The following ARHGEF18 variants were observed in gnomAD, a reference collection of about 807,000 sequenced individuals.
The protein encoded by ARHGEF18 is Rho/Rac guanine nucleotide exchange factor 18.
ARHGEF18 carries 93 observed loss-of-function variants against 155.7 expected under a neutral mutation model. That is an observed-to-expected ratio of 0.60 (90% CI 0.50 to 0.71). ARHGEF18 has a LOEUF of 0.71. Among genes scored for constraint, ARHGEF18 ranks in the 30% least tolerant of loss-of-function variants. ARHGEF18 has a pLI of 0.00. For synonymous variants in ARHGEF18, 742 were observed against 753.1 expected, an observed-to-expected ratio of 0.99 and a Z score of 0.24; for missense variants, 1,593 against 1,816.1, an observed-to-expected ratio of 0.88 and a Z score of 2.23.
rs1309242743 is a variant in ARHGEF18 at position 7,440,025 on chromosome 19, A to G, written c.968-319A>G. On this transcript the variant is annotated intron_variant, in intron 10 of 28. Transcript: ENST00000668164. The surrounding 1 kb of genome is among the most constrained non-coding windows in gnomAD (Gnocchi z 5.4). ...AAGGGAAGACGCAGCTCTGTTTTCT[A>G]GAAGGATCCCACCGAGGCATAAAAA... 1 of 1,550,628 alleles carries G rather than the reference A, an allele frequency of 6.4e-7. No homozygotes were observed.
At chr19:7,361,801 T>C (rs1423899731) in intron 1 of ARHGEF18, among the ~76,000 whole-genome samples, 1 of 151,984 alleles carries the variant, frequency 6.6e-6, no homozygotes, top group African/African-American at 2.4e-5. Context: ...TAGACTAGCC[T>C]GGCCAACATG....
At chr19:7,411,285 T>TCCCTC (rs150105029) in intron 10 of ARHGEF18, among the ~76,000 whole-genome samples, 65,651 of 129,984 alleles carry the variant, frequency 0.51, 17,452 homozygotes, top group Middle Eastern at 0.72. Context: ...CCTTTCCCTT[T>TCCCTC]CCCTCCCCTC....
intron 20 of ARHGEF18, among the ~76,000 whole-genome samples, chr19:7,460,699 A>G (rs1046233262): frequency 2.0e-5 from 3 of 152,074 alleles, no homozygotes; most frequent in African/African-American, 7.2e-5. Context: ...GCCCGCGCTC[A>G]GTGAGCACTT....
Position 7,467,429 on chromosome 19 carries a change from G to A in ARHGEF18, c.3225G>A (p.Gln1075=). The A allele has an allele frequency of 6.5e-7, 1 of 1,531,620 alleles. No individual in the cohort carries two copies. The highest frequency in any genetic ancestry group is 8.7e-7 in the Non-Finnish European group (1 of 1,145,178). The allele number at this position is 1,531,620 out of a possible 1,614,324, so 94.9% of individuals were successfully genotyped here. The part of the protein sequence containing the change: ...HEQQRWERER[Q]WQHQELERAG... ...AGCAGCGCTGGGAGCGCGAGCGCCA[G>A]TGGCAGCACCAGGAGCTGGAGCGTG... The change falls in exon 26 of 29, where the codon CAG becomes CAA. Residue 1075 remains glutamine, a synonymous_variant. Transcript: ENST00000668164.
chr19:7,471,141 C>A lies in ARHGEF18; in HGVS notation c.*843C>A. 3.8e-6 allele frequency: 1 copy of A among 260,024 alleles called. No individual in the cohort carries two copies. Among genetic ancestry groups the A allele is most frequent in the Non-Finnish European group, 7.2e-6 (1 of 138,246 alleles). 16.1% of individuals were successfully genotyped at this position (260,024 alleles called of 1,614,324 possible). A position where few individuals can be genotyped will look rare whatever the true frequency, so the allele number is the denominator to read the frequency against. On this transcript the variant is annotated 3_prime_UTR_variant, in exon 29 of 29. Transcript: ENST00000668164. This position sits in a 1 kb window ranked among gnomAD's most constrained non-coding sequence, Gnocchi z 4.4. ...AGCCAGGGCGGGTACACACCCTGGG[C>A]ACAGGGTCCTCAGCCCCCGGGAAAT...
intron 10 of ARHGEF18, among the ~76,000 whole-genome samples, chr19:7,435,553 G>A (rs775237052): frequency 4.6e-5 from 7 of 152,092 alleles, no homozygotes; most frequent in African/African-American, 7.2e-5. Flanking sequence ...CAGCGGGACC[G>A]TGGCCAGGAG....
At chr19:7,407,720 G>A (rs1462713684) in intron 10 of ARHGEF18, among the ~76,000 whole-genome samples, 1 of 151,962 alleles carries the variant, frequency 6.6e-6, no homozygotes, top group Non-Finnish European at 1.5e-5. Flanking sequence ...TAAGAGCTAG[G>A]TAGAGGCCGA....
At chr19:7,418,238 T>A (rs187638897) in intron 10 of ARHGEF18, among the ~76,000 whole-genome samples, 1 of 152,268 alleles carries the variant, frequency 6.6e-6, no homozygotes, top group African/African-American at 2.4e-5. Flanking sequence ...TACTGGTTTT[T>A]TGTGTTTGTG....
chr19:7,463,933 C>A lies in ARHGEF18; in HGVS notation c.2751C>A (p.Asp917Glu). The A allele has an allele frequency of 6.3e-7, 1 of 1,593,664 alleles. No homozygotes were observed. Among genetic ancestry groups the A allele is most frequent in the Non-Finnish European group, 8.5e-7 (1 of 1,170,640 alleles). ...GGGCTGAGACCTTCGCGGGCTACGA[C>A]TGCACAAACAGCCCCACCAAGAGTA... ...PRRAETFAGY[D>E]CTNSPTKNGS... Residue 917 changes from aspartate (D) to glutamate (E), a missense_variant, in exon 22 of 29, where the codon GAC (aspartate) becomes GAA (glutamate). Transcript: ENST00000668164. This position sits in a 1 kb window ranked among gnomAD's most constrained non-coding sequence, Gnocchi z 5.2.
downstream of ARHGEF18, chr19:7,476,922 C>T (rs1977242019): frequency 5.1e-6 from 2 of 391,432 alleles, no homozygotes. Context: ...TTTCTCAAGG[C>T]ACGACAGGCC....
At chr19:7,350,146 G>C (rs534246928) in intron 1 of ARHGEF18, among the ~76,000 whole-genome samples, 1 of 152,266 alleles carries the variant, frequency 6.6e-6, no homozygotes, top group South Asian at 2.1e-4. Flanking sequence ...GAGGGGTGGG[G>C]GAGGAAGGCT....
intron 10 of ARHGEF18, among the ~76,000 whole-genome samples, chr19:7,439,471 A>T (rs75360060): frequency 0.04 from 6,109 of 152,110 alleles, 348 homozygotes; most frequent in East Asian, 0.16. Context: ...TAATTAATTT[A>T]AAAAGTTGCA....
rs969800776 is a variant in ARHGEF18 at position 7,384,816 on chromosome 19, C to T, written c.967+1613C>T. On this transcript the variant is annotated intron_variant, in intron 10 of 28. Coordinates refer to ENST00000668164, the MANE Select transcript of ARHGEF18 (RefSeq NM_001367823.1). ...AAGCAATCCTCCCACCTCCTCCTCC[C>T]GAGTAGCTGGGTCTACAGGTGTGCA... is the stretch of plus-strand genomic sequence containing the variant. 2.1e-4 allele frequency among the ~76,000 whole-genome samples: 32 copies of T among 152,070 alleles called. 1 individual carries two copies. The highest frequency in any genetic ancestry group is 7.5e-4 in the African/African-American group (31 of 41,420).
At chr19:7,396,283 A>C (rs1372333448) in intron 10 of ARHGEF18, among the ~76,000 whole-genome samples, 1 of 152,174 alleles carries the variant, frequency 6.6e-6, no homozygotes, top group African/African-American at 2.4e-5. Context: ...CGCGGAGATG[A>C]AGCTCCAGCC....
Position 7,444,519 on chromosome 19 carries a change from C to CT in ARHGEF18, c.1611+72dup. 1.9e-6 allele frequency: 3 copies of CT among 1,576,704 alleles called. No individual in the cohort carries two copies. Among genetic ancestry groups the CT allele is most frequent in the Non-Finnish European group, 1.7e-6 (2 of 1,162,072 alleles). ...TCTGCCTTGTCTCTGTTCCTTTCTT[C>CT]TTTTTTTCTGAGATAGGGTCTTGCC... On this transcript the variant is annotated intron_variant, in intron 14 of 28. Transcript: ENST00000668164. This position sits in a 1 kb window ranked among gnomAD's most constrained non-coding sequence, Gnocchi z 4.7.
At chr19:7,350,763 G>T (rs960955830) in intron 1 of ARHGEF18, among the ~76,000 whole-genome samples, 3 of 133,252 alleles carry the variant, frequency 2.3e-5, no homozygotes, top group South Asian at 2.5e-4. Context: ...AGTTTTTTGG[G>T]GTGGGTGTGT....
At chr19:7,379,764 C>T (rs563913356) in intron 7 of ARHGEF18, among the ~76,000 whole-genome samples, 2 of 152,288 alleles carry the variant, frequency 1.3e-5, no homozygotes, top group African/African-American at 4.8e-5. Flanking sequence ...GTGGCTCATA[C>T]CACTGTAATC....
At chr19:7,374,173 C>T (rs1398158926) in intron 3 of ARHGEF18, among the ~76,000 whole-genome samples, 2 of 152,098 alleles carry the variant, frequency 1.3e-5, no homozygotes, top group Non-Finnish European at 2.9e-5. Context: ...GCTCACATGC[C>T]TGCGCTCACC....
At chr19:7,465,856 CG>C (rs1976575079) in intron 23 of ARHGEF18, among the ~76,000 whole-genome samples, 1 of 152,106 alleles carries the variant, frequency 6.6e-6, no homozygotes, top group South Asian at 2.1e-4. Flanking sequence ...GAGGCCGACT[CG>C]GGTGATCACT....
Sources: allele counts gnomAD v4.1 joint callset (sites outside exome capture counted in the v4.1 genomes callset), GRCh38; gene constraint gnomAD v4.1.1; non-coding constraint Gnocchi (gnomAD v3.1); transcripts MANE v1.5; gene names NCBI Gene and HGNC (gene_info 2026-07-23, HGNC 2026-07-21).